GLRA3: variants seen among roughly 807,000 people sequenced by gnomAD.
GLRA3 encodes glycine receptor subunit alpha-3.
A neutral mutation model predicts 60.4 loss-of-function variants in GLRA3; 44 were observed. The ratio of observed to expected loss-of-function variants is 0.73; its 90% CI spans 0.57 to 0.94. The LOEUF (loss-of-function observed/expected upper bound fraction) is 0.94. Ranked by LOEUF, GLRA3 falls within the 40% of genes least tolerant of loss-of-function variation. The probability of loss-of-function intolerance (pLI) is 0.00; values close to 1 mark genes in which losing one functional copy is unlikely to be tolerated. For synonymous variants in GLRA3, 223 were observed against 192.9 expected (o/e 1.16, Z -1.29); for missense variants, 508 against 564.6 (o/e 0.90, Z 1.02).
At chr4:174,678,226 A>G (rs1176751361) in intron 6 of GLRA3, among the ~76,000 whole-genome samples, 4 of 152,190 alleles carry the variant, frequency 2.6e-5, no homozygotes, top group Non-Finnish European at 4.4e-5. Flanking sequence ...TAAGCAATAC[A>G]TAGAGGAGTA....
intron 1 of GLRA3, among the ~76,000 whole-genome samples, chr4:174,791,562 T>A (rs979534817): frequency 1.3e-5 from 2 of 152,202 alleles, no homozygotes; most frequent in Non-Finnish European, 2.9e-5. Context: ...AATCTCTATC[T>A]CATTATTTCC....
chr4:174,771,121 T>C (rs1270380107), intron 2 of GLRA3, among the ~76,000 whole-genome samples: 2 of 149,410 alleles, frequency 1.3e-5, no homozygotes, highest in Non-Finnish European at 1.5e-5. Flanking sequence ...TTAGGAGATA[T>C]ACCTAATGCT....
intron 5 of GLRA3, among the ~76,000 whole-genome samples, chr4:174,692,620 C>T (rs1262096696): frequency 6.6e-6 from 1 of 151,028 alleles, no homozygotes; most frequent in African/African-American, 2.4e-5. Flanking sequence ...CCTTGTGATC[C>T]TGTTGATCTG....
rs143454085 is a variant in GLRA3, at chr4:174,758,233, G to A, written c.267+8730C>T. Among the ~76,000 whole-genome samples the A allele has an allele frequency of 7.3e-3, 1,106 of 152,156 alleles. 10 individuals are homozygous for A. The highest frequency in any genetic ancestry group is 0.031 in the Middle Eastern group (9 of 294). On this transcript the variant is annotated intron_variant, in intron 3 of 9. Coordinates refer to ENST00000274093, the MANE Select transcript of GLRA3 (RefSeq NM_006529.4). ...CTATGACAAGAACAGCACAGTGAAG[G>A]TTAAAAAAAGGAGTTACTTTACAAT...
chr4:174,811,484 T>C (rs983063642), intron 1 of GLRA3, among the ~76,000 whole-genome samples: 1 of 152,174 alleles, frequency 6.6e-6, no homozygotes, highest in Non-Finnish European at 1.5e-5. Flanking sequence ...TTAAATGTCA[T>C]GTCCTCCACA....
intron 8 of GLRA3, 24 bp from the exon 9 acceptor site, chr4:174,656,811 A>G: frequency 7.0e-7 from 1 of 1,420,052 alleles, no homozygotes; most frequent in East Asian, 2.3e-5. Context: ...AAGTGGACCA[A>G]GAGGAATTGA....
chr4:174,738,396 G>A (rs185224809), intron 3 of GLRA3, among the ~76,000 whole-genome samples: 288 of 152,262 alleles, frequency 1.9e-3, no homozygotes, highest in Admixed American at 5.0e-3. Flanking sequence ...AGGTATTTGG[G>A]TTTATGCATA....
intron 3 of GLRA3, among the ~76,000 whole-genome samples, chr4:174,739,443 G>GT: frequency 6.6e-6 from 1 of 152,156 alleles, no homozygotes; most frequent in East Asian, 1.9e-4. Context: ...TGGGCTCTGG[G>GT]TAAAGATCTT....
At chr4:174,780,600 A>T (rs1343243579) in intron 2 of GLRA3, among the ~76,000 whole-genome samples, 8 of 150,512 alleles carry the variant, frequency 5.3e-5, no homozygotes, top group Middle Eastern at 6.8e-3. Flanking sequence ...ATAGGCTCAA[A>T]ATAAAAGGAT....
At chr4:174,652,795 C>A (rs1027872694) in intron 9 of GLRA3, among the ~76,000 whole-genome samples, 2 of 152,062 alleles carry the variant, frequency 1.3e-5, no homozygotes, top group African/African-American at 4.8e-5. Context: ...TGTATATTAA[C>A]ACATGTGTGA....
intron 3 of GLRA3, among the ~76,000 whole-genome samples, chr4:174,760,161 A>C (rs1054218194): frequency 6.6e-6 from 1 of 152,182 alleles, no homozygotes; most frequent in Non-Finnish European, 1.5e-5. Context: ...TAAATGGAGA[A>C]AATATATTAA....
chr4:174,711,823 C>G (rs745757873), intron 5 of GLRA3, among the ~76,000 whole-genome samples: 1 of 151,980 alleles, frequency 6.6e-6, no homozygotes, highest in Non-Finnish European at 1.5e-5. Context: ...TTATTCTGGA[C>G]TTTTTCAAGG....
chr4:174,647,964 T>C (rs1732888513), intron 9 of GLRA3, among the ~76,000 whole-genome samples: 1 of 152,102 alleles, frequency 6.6e-6, no homozygotes, highest in Admixed American at 6.5e-5. Flanking sequence ...GTGGTAGCAG[T>C]TCTCTAGGGA....
chr4:174,659,030 A>G (rs1208451479), intron 8 of GLRA3, 24 bp downstream of exon 8: 1 of 1,598,932 alleles, frequency 6.3e-7, no homozygotes, highest in East Asian at 2.2e-5. Flanking sequence ...GATTCTGCCA[A>G]ACCCAATACG....
intron 3 of GLRA3, among the ~76,000 whole-genome samples, chr4:174,760,526 AT>A (rs35439411): frequency 0.28 from 41,793 of 148,974 alleles, 6,141 homozygotes; most frequent in Non-Finnish European, 0.34. Flanking sequence ...ATACACAATG[AT>A]TTTTTTTTTT....
rs1237953453 is a variant in GLRA3 at position 174,639,264 on chromosome 4, T to A, written c.*4522A>T. 6.6e-6 allele frequency: 1 copy of A among 152,102 alleles called. No individual in the cohort carries two copies. Among genetic ancestry groups the A allele is most frequent in the African/African-American group, 2.4e-5 (1 of 41,428 alleles). The allele number at this position is 152,102 out of a possible 1,614,324, so 9.4% of individuals were successfully genotyped here. Reference sequence around the variant, plus strand: ...CATGGTTCATATTTTCCACCAGGAATCACTTAATATTGCAAAACATATCAC... The same window carrying A: ...CATGGTTCATATTTTCCACCAGGAAACACTTAATATTGCAAAACATATCAC... On this transcript the variant is annotated 3_prime_UTR_variant, in exon 10 of 10. Transcript: ENST00000274093.
intron 5 of GLRA3, among the ~76,000 whole-genome samples, chr4:174,701,023 T>C (rs73004507): frequency 0.023 from 3,504 of 152,204 alleles, 114 homozygotes; most frequent in African/African-American, 0.08. Context: ...GCTAAGATAA[T>C]TGATGAAGGT....
In GLRA3 at chr4:174,759,890, G is replaced by A. The variant is rs561829225; in HGVS notation, c.267+7073C>T. On this transcript the variant is annotated intron_variant, in intron 3 of 9. Transcript: ENST00000274093. ...TCCAAGGGGACTAAAACCTAAACAAGAAAGCAAAACTCTTTTATCAGATAG... is the reference window on the plus strand; with the variant it reads ...TCCAAGGGGACTAAAACCTAAACAAAAAAGCAAAACTCTTTTATCAGATAG... Among the ~76,000 whole-genome samples, 4 of 152,170 alleles carry A rather than the reference G, an allele frequency of 2.6e-5. No individual in the cohort carries two copies. In the East Asian group the frequency reaches 7.7e-4, roughly 29 times the overall value.
chr4:174,692,266 T>G (rs1734861699), intron 5 of GLRA3, among the ~76,000 whole-genome samples: 1 of 134,212 alleles, frequency 7.5e-6, no homozygotes, highest in Non-Finnish European at 1.6e-5. Context: ...GCGAGGGAGG[T>G]GGGGGGGTCA....
Sources: gnomAD v4.1 joint callset for allele counts (sites outside exome capture counted in the v4.1 genomes callset) on GRCh38, gnomAD v4.1.1 for gene constraint, MANE v1.5 for transcripts, NCBI Gene and HGNC (gene_info 2026-07-23, HGNC 2026-07-21) for gene names.